The following ABL1 variants were observed in gnomAD, a reference collection of about 807,000 sequenced individuals.
ABL1 encodes the protein tyrosine-protein kinase ABL1.
ABL1 carries 11 observed loss-of-function variants against 94.7 expected under a neutral mutation model. That is an observed-to-expected ratio of 0.12 (90% CI 0.07 to 0.19). ABL1 has a LOEUF of 0.19. Among genes scored for constraint, ABL1 ranks in the 10% least tolerant of loss-of-function variants. The probability of loss-of-function intolerance (pLI) is 1.00; values close to 1 mark genes in which losing one functional copy is unlikely to be tolerated. For synonymous variants in ABL1, 656 were observed against 622.4 expected, an observed-to-expected ratio of 1.05 and a Z score of -0.80; for missense variants, 1,082 against 1,489.4, an observed-to-expected ratio of 0.73 and a Z score of 4.50.
rs568174612 is a variant in ABL1, at chr9:130,887,128, C to T, written c.*1445C>T. ...ACTCCGAGAGCAGTGGGCAGGTGGC[C>T]GCCCCTGAGGCTTCACGCCGGGAGA... On this transcript the variant is annotated 3_prime_UTR_variant, in exon 11 of 11. Transcript: ENST00000318560. 48 of 233,264 alleles carry T rather than the reference C, an allele frequency of 2.1e-4. 1 individual carries two copies. The highest frequency in any genetic ancestry group is 1.1e-3 in the Admixed American group (19 of 17,806). 14.4% of individuals were successfully genotyped at this position (233,264 alleles called of 1,614,324 possible).
rs57265547 is a variant in ABL1, at chr9:130,773,628, CTTTT to C, written c.136+59190_136+59193del. Among the ~76,000 whole-genome samples, 1,083 of 108,996 alleles carry C rather than the reference CTTTT, an allele frequency of 9.9e-3. 11 individuals are homozygous for C. Among genetic ancestry groups the C allele is most frequent in the African/African-American group, 0.035 (1,027 of 29,332 alleles). The allele number at this position is 108,996 out of a possible 152,430, so 71.5% of individuals were successfully genotyped here. A position where few individuals can be genotyped will look rare whatever the true frequency, so the allele number is the denominator to read the frequency against. The stretch of plus-strand genomic sequence containing the variant: ...TGTGGGCCATCATGCCTGGCTAACT[CTTTT>C]TTTTTTTTTTTTTTTTCATTTTGTA... On this transcript the variant is annotated intron_variant, in intron 1 of 10. Coordinates refer to the ABL1 transcript ENST00000372348.
At chr9:130,834,034 G>A (rs897901488), upstream of ABL1, 2 of 455,976 alleles carry the variant, frequency 4.4e-6, no homozygotes, top group Non-Finnish European at 8.8e-6. Flanking sequence ...TTGGAGCCAG[G>A]CAGACCTGGG....
In ABL1 at chr9:130,853,389, T is replaced by C. The variant is rs150292224; in HGVS notation, c.80-675T>C. On this transcript the variant is annotated intron_variant, in intron 1 of 10. Transcript: ENST00000318560. Reference sequence around the variant, plus strand: ...CAGGATTTCACTGTGTTGGTCAGGTTGGTCTTGAACTCCTGACCTCATGAT... The same window carrying C: ...CAGGATTTCACTGTGTTGGTCAGGTCGGTCTTGAACTCCTGACCTCATGAT... Among the ~76,000 whole-genome samples the C allele has an allele frequency of 6.8e-4, 102 of 150,942 alleles. 1 individual carries two copies. The East Asian group carries it at 0.014, about 21-fold the overall frequency.
intron 1 of ABL1, among the ~76,000 whole-genome samples, chr9:130,827,110 G>A (rs533699575): frequency 5.9e-5 from 9 of 152,240 alleles, no homozygotes; most frequent in African/African-American, 1.9e-4. Flanking sequence ...GCCCCGTAGA[G>A]GCTCTGCACT....
intron 1 of ABL1, among the ~76,000 whole-genome samples, chr9:130,850,899 G>GT (rs1383777511): frequency 1.3e-5 from 2 of 151,878 alleles, no homozygotes; most frequent in Middle Eastern, 6.8e-3. Flanking sequence ...TCACGTTGTT[G>GT]TTTTTTGTTT....
intron 1 of ABL1, among the ~76,000 whole-genome samples, chr9:130,807,670 AT>A (rs1309661672): frequency 1.4e-4 from 1 of 6,928 alleles, no homozygotes; most frequent in East Asian, 0.011. Flanking sequence ...CCTTAATTTT[AT>A]ATATATATAT....
intron 1 of ABL1, among the ~76,000 whole-genome samples, chr9:130,714,747 G>A (rs999724411): frequency 5.3e-5 from 8 of 152,138 alleles, no homozygotes; most frequent in African/African-American, 1.9e-4. Flanking sequence ...TTTCCTGAGG[G>A]GCTGGACTTC....
In ABL1 at chr9:130,881,160, G is replaced by A. The variant is rs936376657; in HGVS notation, c.1678+496G>A. 5.3e-5 allele frequency among the ~76,000 whole-genome samples: 8 copies of A among 152,308 alleles called. 1 individual carries two copies. In the East Asian group the frequency reaches 1.2e-3, roughly 22 times the overall value. On this transcript the variant is annotated intron_variant, in intron 10 of 10. Transcript: ENST00000318560. The stretch of plus-strand genomic sequence containing the variant: ...GGTGCCATTGCCTAGGCGAGCAAGG[G>A]AGTTGGGATCAGCTCAGGAGGGGGT...
chr9:130,849,487 A>G (rs1260202556), intron 1 of ABL1, among the ~76,000 whole-genome samples: 6 of 152,092 alleles, frequency 3.9e-5, no homozygotes, highest in Admixed American at 3.3e-4. Context: ...GATTATTATC[A>G]AGCGTTCACA....
At chr9:130,864,930 T>C (rs1453904794) in intron 4 of ABL1, among the ~76,000 whole-genome samples, 1 of 152,198 alleles carries the variant, frequency 6.6e-6, no homozygotes, top group East Asian at 1.9e-4. Flanking sequence ...AGTAAAAGCT[T>C]GTCTGAAAAC....
chr9:130,859,673 T>C (rs1831033126), intron 3 of ABL1, among the ~76,000 whole-genome samples: 1 of 111,116 alleles, frequency 9.0e-6, no homozygotes, highest in South Asian at 2.4e-4. Flanking sequence ...CTTTTCTTTC[T>C]TTCCTTTTTT....
chr9:130,803,054 TTAGAGAC>T (rs1830077112), intron 1 of ABL1, among the ~76,000 whole-genome samples: 1 of 152,152 alleles, frequency 6.6e-6, no homozygotes, highest in African/African-American at 2.4e-5. Context: ...GTTTATTTAT[TTAGAGAC>T]AGAAGTCTTC....
At chr9:130,870,928 C>G (rs1311588183) in intron 4 of ABL1, among the ~76,000 whole-genome samples, 2 of 152,176 alleles carry the variant, frequency 1.3e-5, no homozygotes, top group African/African-American at 4.8e-5. Flanking sequence ...GGAAGCCTCC[C>G]CCACAGCAGG....
intron 1 of ABL1, among the ~76,000 whole-genome samples, chr9:130,744,811 C>T (rs1479795256): frequency 2.7e-5 from 4 of 147,868 alleles, no homozygotes; most frequent in African/African-American, 7.5e-5. Flanking sequence ...GAGCCAAGAT[C>T]GCACCACTGC....
At chr9:130,748,868 C>T (rs762631751) in intron 1 of ABL1, among the ~76,000 whole-genome samples, 6 of 152,172 alleles carry the variant, frequency 3.9e-5, no homozygotes, top group Admixed American at 6.5e-5. Flanking sequence ...TGAGCCACTG[C>T]GCTTGGCCTC....
At chr9:130,743,984 A>C (rs1831852115) in intron 1 of ABL1, among the ~76,000 whole-genome samples, 2 of 152,230 alleles carry the variant, frequency 1.3e-5, no homozygotes, top group South Asian at 4.1e-4. Flanking sequence ...CCTTAAGGAT[A>C]TTTTTGGAAA....
upstream of ABL1, among the ~76,000 whole-genome samples, chr9:130,832,355 T>C (rs1830504029): frequency 6.6e-6 from 1 of 151,906 alleles, no homozygotes; most frequent in Non-Finnish European, 1.5e-5. Flanking sequence ...CTTAAATAGC[T>C]CTAGTTCCCT....
intron 1 of ABL1, among the ~76,000 whole-genome samples, chr9:130,723,201 C>G (rs1427257150): frequency 1.3e-5 from 2 of 152,150 alleles, no homozygotes; most frequent in African/African-American, 4.8e-5. Flanking sequence ...GTGTTCGTCC[C>G]TGCCTTTTTG....
chr9:130,854,374 A>T (rs1378204739), intron 2 of ABL1, 137 bp downstream of exon 2: 1 of 1,008,304 alleles, frequency 9.9e-7, no homozygotes, highest in African/African-American at 1.6e-5. Flanking sequence ...CAACAACTGC[A>T]TGTTTCTAAG....
Sources: gnomAD v4.1 joint callset for allele counts (sites outside exome capture counted in the v4.1 genomes callset) on GRCh38, gnomAD v4.1.1 for gene constraint, MANE v1.5 for transcripts, NCBI Gene and HGNC (gene_info 2026-07-23, HGNC 2026-07-21) for gene names.